The following MRTFA variants were observed in gnomAD, a reference collection of about 807,000 sequenced individuals.
MRTFA encodes the protein myocardin-related transcription factor A.
Under a neutral mutation model 83.5 loss-of-function variants are expected in MRTFA, and 20 were observed. The ratio of observed to expected loss-of-function variants is 0.24; its 90% CI spans 0.17 to 0.35. MRTFA has a LOEUF of 0.35. MRTFA is among the 10% of genes least tolerant of loss of function. The pLI is 1.00. For synonymous variants in MRTFA, 659 were observed against 541.2 expected (o/e 1.22, Z -3.02); for missense variants, 1,200 against 1,224.7 (o/e 0.98, Z 0.30).
intron 1 of MRTFA, among the ~76,000 whole-genome samples, chr22:40,604,575 C>T (rs1305819510): frequency 6.6e-6 from 1 of 151,760 alleles, no homozygotes; most frequent in African/African-American, 2.4e-5. Context: ...GGTGAAACCT[C>T]GTCTCTACTA....
chr22:40,517,418 G>A (rs2037395802), intron 3 of MRTFA, among the ~76,000 whole-genome samples: 1 of 152,072 alleles, frequency 6.6e-6, no homozygotes, highest in East Asian at 1.9e-4. Context: ...TAACATACAG[G>A]GTCCGAAAAA....
chr22:40,418,456 T>G lies in MRTFA; in HGVS notation c.2282A>C (p.Asp761Ala), dbSNP rs1602204887. 2.5e-6 allele frequency: 4 copies of G among 1,613,318 alleles called. No individual in the cohort carries two copies. In the African/African-American group the frequency reaches 5.4e-5, roughly 22 times the overall value. ...GAGGACAAGGTGGGTCCCTGTGGAG[T>G]CGGTGATGAGGGTGGGAGGTGCAAC... Residue 761 changes from aspartate (D) to alanine (A), a missense_variant, in exon 12 of 15, where the codon GAC (aspartate) becomes GCC (alanine). This residue lies in a region of MRTFA where 1,107 missense variants were observed against 1,041.8 expected (regional missense o/e 1.06). Coordinates refer to ENST00000355630, the MANE Select transcript of MRTFA (RefSeq NM_020831.6).
chr22:40,472,337 T>C (rs2053928780), intron 3 of MRTFA, among the ~76,000 whole-genome samples: 1 of 152,234 alleles, frequency 6.6e-6, no homozygotes, highest in Non-Finnish European at 1.5e-5. Flanking sequence ...GCTCCACCCA[T>C]GTTCGTGATG....
chr22:40,569,427 A>ATGCCTTCCAGCC (rs2055752800), intron 2 of MRTFA: 1 of 169,316 alleles, frequency 5.9e-6, no homozygotes, highest in Non-Finnish European at 1.3e-5. Context: ...ATGACTGCTA[A>ATGCCTTCCAGCC]AGGAGGTAAT....
At chr22:40,635,632 G>A (rs758320362) in intron 1 of MRTFA, among the ~76,000 whole-genome samples, 2 of 152,150 alleles carry the variant, frequency 1.3e-5, no homozygotes, top group Non-Finnish European at 2.9e-5. Context: ...ATGCCAAGCT[G>A]GGCTAGTGCT....
intron 4 of MRTFA, among the ~76,000 whole-genome samples, chr22:40,435,854 G>A (rs1474957149): frequency 6.6e-6 from 1 of 151,042 alleles, no homozygotes; most frequent in Admixed American, 6.6e-5. Flanking sequence ...AGAATGGCGT[G>A]AACCTGGGAG....
intron 2 of MRTFA, among the ~76,000 whole-genome samples, chr22:40,570,619 T>C (rs1329404299): frequency 6.8e-6 from 1 of 146,250 alleles, no homozygotes. Flanking sequence ...TTGGGTACAT[T>C]ATTCTTTAGG....
At chr22:40,472,981 C>T (rs1281126738) in intron 3 of MRTFA, among the ~76,000 whole-genome samples, 1 of 152,230 alleles carries the variant, frequency 6.6e-6, no homozygotes, top group South Asian at 2.1e-4. Context: ...TAGACTACCA[C>T]TAAAGGTTTG....
chr22:40,502,760 C>A (rs1233617363), intron 3 of MRTFA, among the ~76,000 whole-genome samples: 1 of 151,766 alleles, frequency 6.6e-6, no homozygotes, highest in African/African-American at 2.4e-5. Context: ...CGCTGCCTCC[C>A]GGGCGGCGCT....
chr22:40,571,026 CAAAAAAAAAAAA>C (rs71199292), intron 2 of MRTFA, among the ~76,000 whole-genome samples: 112 of 46,738 alleles, frequency 2.4e-3, no homozygotes, highest in Non-Finnish European at 3.2e-3. Context: ...CCTGTCTCTA[CAAAAAAAAAAAA>C]AAAAAAAAAA....
intron 3 of MRTFA, among the ~76,000 whole-genome samples, chr22:40,502,949 G>A (rs1211644378): frequency 6.6e-6 from 1 of 152,144 alleles, no homozygotes; most frequent in African/African-American, 2.4e-5. Flanking sequence ...TGTCACAGAG[G>A]ATACCTACTT....
At position 40,437,040 on chromosome 22, in the gene MRTFA, TAAA is replaced by T. The variant is rs541547568; in HGVS notation, c.308-1489_308-1487del. On this transcript the variant is annotated intron_variant, in intron 4 of 14. Transcript: ENST00000355630. ...TAAAAATTTTTTGTGAATCTTAAGA[TAAA>T]AAAGAAACTACAGTCTTAAAAGTAC... Among the ~76,000 whole-genome samples the T allele has an allele frequency of 4.3e-4, 66 of 152,180 alleles. 1 individual carries two copies. The South Asian group carries it at 0.014, about 32-fold the overall frequency.
intron 7 of MRTFA, chr22:40,429,276 C>T (rs576138518): frequency 1.7e-6 from 1 of 599,884 alleles, no homozygotes; most frequent in Non-Finnish European, 3.0e-6. Flanking sequence ...CCTGGCATCT[C>T]CACATGTTCA....
intron 4 of MRTFA, among the ~76,000 whole-genome samples, chr22:40,461,969 T>C (rs1232729993): frequency 6.6e-6 from 1 of 152,216 alleles, no homozygotes; most frequent in Non-Finnish European, 1.5e-5. Context: ...ACTTCTGGCC[T>C]GCACCAGGCC....
chr22:40,431,340 G>A, intron 6 of MRTFA, 65 bp downstream of exon 6: 1 of 1,430,138 alleles, frequency 7.0e-7, no homozygotes, highest in South Asian at 1.1e-5. Flanking sequence ...GAAATGGGTA[G>A]TGCAGTAGTG....
In MRTFA at chr22:40,491,408, A is replaced by G. The variant is rs565699653; in HGVS notation, c.242-28122T>C. Among the ~76,000 whole-genome samples the G allele has an allele frequency of 3.9e-4, 59 of 152,314 alleles. 1 individual carries two copies. In the South Asian group the frequency reaches 0.012, roughly 31 times the overall value. Reference sequence around the variant, plus strand: ...ACATAGGCAAACTCTTTTAATATTGATAAGACCAGTCCAAATTGTTCACCC... The same window carrying G: ...ACATAGGCAAACTCTTTTAATATTGGTAAGACCAGTCCAAATTGTTCACCC... On this transcript the variant is annotated intron_variant, in intron 3 of 14. Transcript: ENST00000355630.
chr22:40,460,890 TGATGTTTAGGATAGAAATA>T (rs1257253371), intron 4 of MRTFA, among the ~76,000 whole-genome samples: 9 of 152,068 alleles, frequency 5.9e-5, no homozygotes, highest in Admixed American at 5.9e-4. Context: ...CTCCCTGGGC[TGATGTTTAGGATAGAAATA>T]GACCCCAAGC....
At chr22:40,487,079 G>C (rs1239008357) in intron 3 of MRTFA, among the ~76,000 whole-genome samples, 1 of 152,170 alleles carries the variant, frequency 6.6e-6, no homozygotes, top group African/African-American at 2.4e-5. Context: ...GTGTGTGTTT[G>C]TGTGTGTATC....
At chr22:40,526,693 C>T (rs1006631785) in intron 3 of MRTFA, 2 of 152,172 alleles carry the variant, frequency 1.3e-5, no homozygotes, top group Non-Finnish European at 2.9e-5. Context: ...CTGAATTAAA[C>T]ACCTGTTCCA....
Sources: gnomAD v4.1 joint callset for allele counts (sites outside exome capture counted in the v4.1 genomes callset) on GRCh38, gnomAD v4.1.1 for gene constraint, gnomAD v4.1.1 regional missense constraint, MANE v1.5 for transcripts, NCBI Gene and HGNC (gene_info 2026-07-23, HGNC 2026-07-21) for gene names.